RERG: variants seen among roughly 807,000 people sequenced by gnomAD.
RERG encodes the protein RAS like estrogen regulated growth inhibitor.
A neutral mutation model predicts 23.2 loss-of-function variants in RERG; 25 were observed. The ratio of observed to expected loss-of-function variants is 1.08; its 90% confidence interval spans 0.79 to 1.50. RERG has a LOEUF of 1.50. Ranked by LOEUF, RERG falls within the 40% of genes most tolerant of loss-of-function variation. The pLI, the probability that RERG is intolerant of heterozygous loss-of-function variation, is 0.00. For missense variants in RERG, 253 were observed against 250.1 expected (o/e 1.01, Z -0.08); for synonymous variants, 81 against 89.1 (o/e 0.91, Z 0.51).
rs569063579 is a variant in RERG, at chr12:15,158,601, T to G, written c.62-37482A>C. 1.6e-3 allele frequency among the ~76,000 whole-genome samples: 227 copies of G among 146,326 alleles called. 6 individuals carry two copies. In the South Asian group the frequency reaches 0.049, roughly 31 times the overall value. On this transcript the variant is annotated intron_variant, in intron 2 of 4. Coordinates refer to ENST00000256953, the MANE Select transcript of RERG (RefSeq NM_032918.3). The stretch of plus-strand genomic sequence containing the variant: ...CTGGCCTCTCAGCATTTTTTAATGA[T>G]ATTTCATCTTTGACATTTTTGCAGA...
intron 2 of RERG, among the ~76,000 whole-genome samples, chr12:15,150,782 T>A (rs1450747203): frequency 6.6e-6 from 1 of 152,158 alleles, no homozygotes. Flanking sequence ...CAACAGTTAT[T>A]ACTATTACAA....
chr12:15,160,685 T>C lies in RERG; in HGVS notation c.62-39566A>G, dbSNP rs144610788. ...ATGATCATGCTTTGTCCAAAGACATTTGAAGGCATTACACAGAATGCTGGA... is the reference window on the plus strand; with the variant it reads ...ATGATCATGCTTTGTCCAAAGACATCTGAAGGCATTACACAGAATGCTGGA... On this transcript the variant is annotated intron_variant, in intron 2 of 4. Transcript: ENST00000256953. Among the ~76,000 whole-genome samples, 139 of 152,308 alleles carry C rather than the reference T, an allele frequency of 9.1e-4. No individual in the cohort carries two copies. In the South Asian group the frequency reaches 0.011, roughly 12 times the overall value.
At chr12:15,125,622 T>C (rs1462854894) in intron 2 of RERG, among the ~76,000 whole-genome samples, 2 of 152,032 alleles carry the variant, frequency 1.3e-5, no homozygotes, top group Non-Finnish European at 2.9e-5. Context: ...TTATGATCTA[T>C]AGTTAAAATG....
At chr12:15,174,677 A>G (rs1245629209) in intron 2 of RERG, among the ~76,000 whole-genome samples, 1 of 151,876 alleles carries the variant, frequency 6.6e-6, no homozygotes, top group Non-Finnish European at 1.5e-5. Context: ...CTCACAATGG[A>G]TAATATCAAT....
intron 2 of RERG, among the ~76,000 whole-genome samples, chr12:15,180,052 T>G (rs1374593836): frequency 6.6e-6 from 1 of 152,112 alleles, no homozygotes; most frequent in African/African-American, 2.4e-5. Flanking sequence ...GGGAGAAACC[T>G]GATGGAGGAA....
chr12:15,190,646 C>G (rs550988935), intron 2 of RERG, among the ~76,000 whole-genome samples: 10 of 151,998 alleles, frequency 6.6e-5, no homozygotes, highest in African/African-American at 2.2e-4. Flanking sequence ...TAGGCAAAAA[C>G]AAGAAGAAAG....
Position 15,148,400 on chromosome 12 carries a change from G to C in RERG, c.62-27281C>G, listed in dbSNP as rs144159645. 4.0e-5 allele frequency among the ~76,000 whole-genome samples: 6 copies of C among 151,396 alleles called. No individual in the cohort carries two copies. In the South Asian group the frequency reaches 1.4e-3, roughly 35 times the overall value. ...GTGCGAATAAAGAAGGTAGAAATGCGGGGGGGAAATGACCTAAAAAACAAA... is the reference window on the plus strand; with the variant it reads ...GTGCGAATAAAGAAGGTAGAAATGCCGGGGGGAAATGACCTAAAAAACAAA... On this transcript the variant is annotated intron_variant, in intron 2 of 4. Coordinates refer to ENST00000256953, the MANE Select transcript of RERG (RefSeq NM_032918.3).
intron 3 of RERG, chr12:15,114,765 G>A (rs1215107964): frequency 6.6e-6 from 1 of 152,160 alleles, no homozygotes; most frequent in Non-Finnish European, 1.5e-5. Context: ...GGGTCTCAAA[G>A]TGTAGTGCCT....
At chr12:15,182,692 T>C (rs141684341) in intron 2 of RERG, among the ~76,000 whole-genome samples, 5 of 152,346 alleles carry the variant, frequency 3.3e-5, no homozygotes, top group East Asian at 3.9e-4. Context: ...AGTAAAGTGA[T>C]ATAAACTGTT....
At chr12:15,150,001 T>C (rs146906649) in intron 2 of RERG, among the ~76,000 whole-genome samples, 3 of 152,290 alleles carry the variant, frequency 2.0e-5, no homozygotes, top group Non-Finnish European at 4.4e-5. Flanking sequence ...ATGCAGGGTA[T>C]AGACAGTGGT....
intron 2 of RERG, among the ~76,000 whole-genome samples, chr12:15,191,728 C>A (rs1172825836): frequency 6.6e-6 from 1 of 152,178 alleles, no homozygotes; most frequent in Non-Finnish European, 1.5e-5. Flanking sequence ...TTTATCCCCT[C>A]TCTCCTCAGT....
chr12:15,180,564 C>T (rs1285608294), intron 2 of RERG, among the ~76,000 whole-genome samples: 1 of 152,200 alleles, frequency 6.6e-6, no homozygotes, highest in Non-Finnish European at 1.5e-5. Flanking sequence ...ACCCCACACC[C>T]ATGAGACAAA....
At chr12:15,144,288 A>G (rs1439183082) in intron 2 of RERG, among the ~76,000 whole-genome samples, 1 of 152,168 alleles carries the variant, frequency 6.6e-6, no homozygotes, top group African/African-American at 2.4e-5. Context: ...GGAGTGCAAG[A>G]GTCTGGTGTT....
intron 2 of RERG, among the ~76,000 whole-genome samples, chr12:15,156,083 C>G (rs1256645685): frequency 2.6e-5 from 4 of 151,642 alleles, no homozygotes; most frequent in Admixed American, 2.6e-4. Flanking sequence ...TAATTACATT[C>G]TTTATTAATA....
chr12:15,134,306 C>A (rs139966235), intron 2 of RERG, among the ~76,000 whole-genome samples: 2 of 151,912 alleles, frequency 1.3e-5, no homozygotes, highest in East Asian at 3.9e-4. Context: ...TCATTTTTTT[C>A]TTTTTCTTTT....
At chr12:15,145,944 T>C (rs1009278261) in intron 2 of RERG, among the ~76,000 whole-genome samples, 2 of 152,108 alleles carry the variant, frequency 1.3e-5, no homozygotes, top group African/African-American at 4.8e-5. Context: ...GATTGAGAAA[T>C]TTGCACCAGA....
At chr12:15,215,772 GA>G (rs779056327) in intron 2 of RERG, among the ~76,000 whole-genome samples, 1 of 152,120 alleles carries the variant, frequency 6.6e-6, no homozygotes, top group Non-Finnish European at 1.5e-5. Flanking sequence ...ACAATGTGGG[GA>G]AAGGCAACGA....
intron 1 of RERG, among the ~76,000 whole-genome samples, chr12:15,219,394 C>T (rs1188495299): frequency 2.0e-5 from 3 of 152,190 alleles, no homozygotes; most frequent in Non-Finnish European, 2.9e-5. Context: ...GCCAGAGCTT[C>T]CTCTGAAGGA....
intron 2 of RERG, among the ~76,000 whole-genome samples, chr12:15,207,744 A>G (rs1348903863): frequency 6.0e-5 from 8 of 134,144 alleles, no homozygotes; most frequent in Non-Finnish European, 1.2e-4. Context: ...TAGACTATAG[A>G]AGAAGAGACT....
Sources: gnomAD v4.1 joint callset for allele counts (sites outside exome capture counted in the v4.1 genomes callset) on GRCh38, gnomAD v4.1.1 for gene constraint, MANE v1.5 for transcripts, NCBI Gene and HGNC (gene_info 2026-07-23, HGNC 2026-07-21) for gene names.